The following EML6 variants were observed in gnomAD, a reference collection of about 807,000 sequenced individuals.
EML6 encodes the protein echinoderm microtubule-associated protein-like 6.
A neutral mutation model predicts 240.1 loss-of-function variants in EML6; 154 were observed. The observed-to-expected ratio is 0.64, with a 90% CI of 0.56 to 0.73. The LOEUF is 0.73. Among genes scored for constraint, EML6 ranks in the 30% least tolerant of loss-of-function variants. The pLI, the probability that EML6 is intolerant of heterozygous loss-of-function variation, is 0.00. For synonymous variants in EML6, 1,148 were observed against 899.0 expected (o/e 1.28, Z -4.95); for missense variants, 2,964 against 2,474.6 (o/e 1.20, Z -4.20).
At chr2:54,827,246 C>T (rs1417820641) in intron 5 of EML6, among the ~76,000 whole-genome samples, 1 of 152,172 alleles carries the variant, frequency 6.6e-6, no homozygotes, top group Non-Finnish European at 1.5e-5. Flanking sequence ...AAAAACTAAG[C>T]AAAACATGAT....
At chr2:54,854,004 ATG>A (rs1670235526) in intron 11 of EML6, 149 bp downstream of exon 11, 1 of 493,678 alleles carries the variant, frequency 2.0e-6, no homozygotes, top group African/African-American at 2.0e-5. Context: ...TTTAAATAGA[ATG>A]TGTTGATGTC....
At chr2:54,906,358 A>G (rs956741257) in intron 24 of EML6, among the ~76,000 whole-genome samples, 1 of 152,210 alleles carries the variant, frequency 6.6e-6, no homozygotes, top group Admixed American at 6.5e-5. Context: ...AGAAAGCACA[A>G]GATCTCGGCC....
Position 54,970,934 on chromosome 2 carries a change from C to G in EML6, c.*839C>G, listed in dbSNP as rs960596697. The G allele has an allele frequency of 6.6e-6, 1 of 152,310 alleles. No individual in the cohort carries two copies. The highest frequency in any genetic ancestry group is 1.9e-4 in the East Asian group (1 of 5,192). 9.4% of individuals were successfully genotyped at this position (152,310 alleles called of 1,614,324 possible). A position where few individuals can be genotyped will look rare whatever the true frequency, so the allele number is the denominator to read the frequency against. ...AGAATTATGGGTTTTCATTGTGTTT[C>G]ATGCCAAACCCACAAAATCCAAAAT... On this transcript the variant is annotated 3_prime_UTR_variant, in exon 42 of 42. Transcript: ENST00000356458.
At chr2:54,783,004 GT>G (rs1287139497) in intron 2 of EML6, among the ~76,000 whole-genome samples, 1 of 152,180 alleles carries the variant, frequency 6.6e-6, no homozygotes, top group Non-Finnish European at 1.5e-5. Context: ...AATCATAGCT[GT>G]TTTTATTGCT....
chr2:54,835,565 T>G (rs1388171948), intron 7 of EML6, among the ~76,000 whole-genome samples: 1 of 152,190 alleles, frequency 6.6e-6, no homozygotes, highest in Admixed American at 6.5e-5. Context: ...TTAGTTCTCC[T>G]GCCCCAGAGC....
At chr2:54,934,060 T>C (rs1675004243) in intron 28 of EML6, among the ~76,000 whole-genome samples, 1 of 152,212 alleles carries the variant, frequency 6.6e-6, no homozygotes, top group Non-Finnish European at 1.5e-5. Context: ...TGTCTTCTGC[T>C]GGACTGAACA....
chr2:54,934,232 C>T (rs1248417220), intron 28 of EML6, among the ~76,000 whole-genome samples: 1 of 152,154 alleles, frequency 6.6e-6, no homozygotes, highest in African/African-American at 2.4e-5. Context: ...ATAATACTCT[C>T]TTAAAAGTAC....
chr2:54,872,738 T>A (rs972215312), intron 16 of EML6, among the ~76,000 whole-genome samples: 2 of 152,198 alleles, frequency 1.3e-5, no homozygotes, highest in African/African-American at 2.4e-5. Flanking sequence ...CTCTTGCCCT[T>A]CTTTTGGCTG....
chr2:54,823,470 G>A (rs1290580633), intron 5 of EML6, among the ~76,000 whole-genome samples: 1 of 151,832 alleles, frequency 6.6e-6, no homozygotes, highest in Non-Finnish European at 1.5e-5. Flanking sequence ...TTTTTTTAGG[G>A]AACAAATATT....
intron 2 of EML6, among the ~76,000 whole-genome samples, chr2:54,760,972 T>A (rs185288969): frequency 1.3e-5 from 2 of 152,218 alleles, no homozygotes; most frequent in Admixed American, 1.3e-4. Context: ...TTTTTATTAA[T>A]CTGGGAAGTA....
intron 32 of EML6, 36 bp downstream of exon 32, chr2:54,954,192 G>A: frequency 1.3e-6 from 2 of 1,533,654 alleles, no homozygotes; most frequent in Non-Finnish European, 8.8e-7. Context: ...CCTCCAGGGT[G>A]TCTGCCTGTG....
intron 2 of EML6, among the ~76,000 whole-genome samples, chr2:54,780,818 T>G (rs897317840): frequency 6.6e-6 from 1 of 152,198 alleles, no homozygotes. Context: ...CGAATAATGA[T>G]TTGAATTATG....
chr2:54,882,569 G>A (rs1169063705), intron 17 of EML6: 1 of 151,912 alleles, frequency 6.6e-6, no homozygotes, highest in African/African-American at 2.4e-5. Context: ...AGAAAGCTTA[G>A]GGACAAAGGC....
At chr2:54,951,412 A>C (rs566704419) in intron 30 of EML6, among the ~76,000 whole-genome samples, 2 of 152,128 alleles carry the variant, frequency 1.3e-5, no homozygotes, top group South Asian at 4.1e-4. Flanking sequence ...AGGTGCCTGT[A>C]GTCCCAGCTA....
intron 28 of EML6, among the ~76,000 whole-genome samples, chr2:54,929,457 A>G (rs920955578): frequency 3.3e-5 from 5 of 152,220 alleles, no homozygotes; most frequent in African/African-American, 1.2e-4. Context: ...AAGAGTGGAT[A>G]TTGAATAAAA....
intron 10 of EML6, among the ~76,000 whole-genome samples, chr2:54,853,300 A>C (rs909152408): frequency 2.0e-5 from 3 of 152,204 alleles, no homozygotes; most frequent in Non-Finnish European, 4.4e-5. Flanking sequence ...AGCTTGAGAC[A>C]TTACATTTAG....
chr2:54,785,561 A>G (rs936191431), intron 2 of EML6, among the ~76,000 whole-genome samples: 2 of 152,196 alleles, frequency 1.3e-5, no homozygotes, highest in Non-Finnish European at 2.9e-5. Flanking sequence ...AGTGTGCACT[A>G]TAGTTAATTT....
intron 28 of EML6, among the ~76,000 whole-genome samples, chr2:54,943,050 G>A (rs114900727): frequency 3.0e-3 from 455 of 152,142 alleles, no homozygotes; most frequent in African/African-American, 0.011. Flanking sequence ...GCTGCACATG[G>A]CCCTCCAAGC....
chr2:54,937,553 TAAAAAAAA>T (rs34682923), intron 28 of EML6, among the ~76,000 whole-genome samples: 16 of 68,208 alleles, frequency 2.3e-4, no homozygotes, highest in South Asian at 2.0e-3. Flanking sequence ...ACTCTGTCTT[TAAAAAAAA>T]AAAAAAAAAA....
Sources: gnomAD v4.1 joint callset for allele counts (sites outside exome capture counted in the v4.1 genomes callset) on GRCh38, gnomAD v4.1.1 for gene constraint, MANE v1.5 for transcripts, NCBI Gene and HGNC (gene_info 2026-07-23, HGNC 2026-07-21) for gene names.